Variants in DNAI3 observed in about 807,000 individuals in gnomAD.
DNAI3 encodes the protein dynein axonemal intermediate chain 3.
In DNAI3, 83 loss-of-function variants were observed where a neutral mutation model predicts 115.5. That is an observed-to-expected ratio of 0.72 (90% CI 0.60 to 0.86). The LOEUF is 0.86. Ranked by LOEUF, DNAI3 falls within the 40% of genes least tolerant of loss-of-function variation. The pLI is 0.00. For synonymous variants in DNAI3, 320 were observed against 347.0 expected (o/e 0.92, Z 0.86); for missense variants, 1,004 against 1,075.8 (o/e 0.93, Z 0.93).
chr1:85,068,774 C>A (rs1022301277), intron 1 of DNAI3, among the ~76,000 whole-genome samples: 2 of 152,194 alleles, frequency 1.3e-5, no homozygotes, highest in African/African-American at 4.8e-5. Flanking sequence ...ACATTCCCAC[C>A]TTCTGCCAAT....
chr1:85,093,092 T>C (rs1317237325), intron 8 of DNAI3, among the ~76,000 whole-genome samples: 1 of 152,158 alleles, frequency 6.6e-6, no homozygotes, highest in Non-Finnish European at 1.5e-5. Flanking sequence ...AGACAAATTC[T>C]CAGCCTACTC....
rs1260687237 is a variant in DNAI3, at chr1:85,115,263, G to A, written c.1787-2466G>A. 3.3e-5 allele frequency among the ~76,000 whole-genome samples: 5 copies of A among 152,166 alleles called. No individual in the cohort carries two copies. In the East Asian group the frequency reaches 7.7e-4, roughly 23 times the overall value. ...TGTGAAGATGAAATGAGTTATACAC[G>A]AAGCTCTCAGAATAGCACATAGTCA... is the stretch of plus-strand genomic sequence containing the variant. On this transcript the variant is annotated intron_variant, in intron 16 of 22. Coordinates refer to ENST00000294664, the MANE Select transcript of DNAI3 (RefSeq NM_145172.5).
intron 17 of DNAI3, among the ~76,000 whole-genome samples, chr1:85,118,903 C>A (rs2100608857): frequency 6.6e-6 from 1 of 151,914 alleles, no homozygotes; most frequent in African/African-American, 2.4e-5. Context: ...ACAGCCTGAA[C>A]AATATTTGGA....
In DNAI3 at chr1:85,094,553, C is replaced by T. The variant is rs760381604; in HGVS notation, c.1171C>T (p.Gln391Ter). 4 of 1,613,960 alleles carry T rather than the reference C, an allele frequency of 2.5e-6. No individual in the cohort carries two copies. Residue 391 changes from glutamine to a stop codon, truncating the protein, a stop_gained and splice_region_variant, in exon 10 of 23, where the codon CAG becomes TAG. Transcript: ENST00000294664. LOFTEE classifies it high-confidence loss of function. ...FWSFSDPIHPQLMLESPDDIF... is the reference protein window; with the variant it reads ...FWSFSDPIHP ...GAGCTTCTCTGATCCTATACATCCT[C>T]AGGTAATTAGGGAGAGTTGCCTACA... is the stretch of plus-strand genomic sequence containing the variant.
Position 85,095,949 on chromosome 1 carries a change from G to C in DNAI3, c.1192G>C (p.Asp398His), listed in dbSNP as rs776292330. Residue 398 changes from aspartate (D) to histidine (H), a missense_variant, in exon 11 of 23, where the codon GAT becomes CAT. Physicochemically the swap from Asp to His is moderately conservative, Grantham distance 81. Coordinates refer to ENST00000294664, the MANE Select transcript of DNAI3 (RefSeq NM_145172.5). The stretch of plus-strand genomic sequence containing the variant: ...ACTTTAGTTAATGCTGGAGAGCCCA[G>C]ATGACATCTTCTGCTTCAAGTTCTG... ...IHPQLMLESPDDIFCFKFCPS... is the reference protein window; with the variant it reads ...IHPQLMLESPHDIFCFKFCPS... 6.2e-7 allele frequency: 1 copy of C among 1,613,932 alleles called. No homozygotes were observed. The highest frequency in any genetic ancestry group is 1.7e-5 in the Admixed American group (1 of 60,000).
intron 4 of DNAI3, 66 bp from the exon 5 acceptor site, chr1:85,082,234 G>T: frequency 8.0e-7 from 1 of 1,252,282 alleles, no homozygotes; most frequent in South Asian, 1.3e-5. Flanking sequence ...TGAATTTTGT[G>T]TTGGCATCAA....
At chr1:85,064,580 ATGTTTGTT>A (rs369398116) in intron 1 of DNAI3, among the ~76,000 whole-genome samples, 43 of 152,080 alleles carry the variant, frequency 2.8e-4, no homozygotes, top group African/African-American at 4.6e-4. Context: ...TTCTAAATCA[ATGTTTGTT>A]TGTTTGTTTG....
intron 13 of DNAI3, among the ~76,000 whole-genome samples, chr1:85,100,418 A>G (rs1018655206): frequency 4.6e-5 from 7 of 152,246 alleles, no homozygotes; most frequent in Non-Finnish European, 1.0e-4. Flanking sequence ...CAAAACCACA[A>G]TGAGATACCA....
intron 1 of DNAI3, among the ~76,000 whole-genome samples, chr1:85,070,802 T>G (rs888534939): frequency 6.6e-6 from 1 of 152,202 alleles, no homozygotes; most frequent in African/African-American, 2.4e-5. Flanking sequence ...AAAACACAAG[T>G]AAAGTACTTG....
intron 18 of DNAI3, among the ~76,000 whole-genome samples, chr1:85,122,099 G>A (rs1656008882): frequency 6.6e-6 from 1 of 152,178 alleles, no homozygotes; most frequent in Admixed American, 6.5e-5. Context: ...AAAATTTGAG[G>A]AGCACTGACC....
intron 2 of DNAI3, 116 bp from the exon 3 acceptor site, chr1:85,072,938 G>C: frequency 2.0e-6 from 1 of 507,952 alleles, no homozygotes. Context: ...CTGGGCGACA[G>C]AGCAAGACTC....
intron 13 of DNAI3, among the ~76,000 whole-genome samples, chr1:85,099,940 T>A (rs1350155201): frequency 6.6e-6 from 1 of 152,140 alleles, no homozygotes; most frequent in Non-Finnish European, 1.5e-5. Flanking sequence ...TGAAACTGGA[T>A]CCCTTCCTTA....
intron 7 of DNAI3, among the ~76,000 whole-genome samples, chr1:85,087,361 G>C (rs928658241): frequency 6.8e-6 from 1 of 147,580 alleles, no homozygotes; most frequent in Admixed American, 6.9e-5. Context: ...GCTTGAACCC[G>C]CGAGGTAGAG....
At chr1:85,076,231 A>G (rs1273317992) in intron 3 of DNAI3, among the ~76,000 whole-genome samples, 2 of 152,214 alleles carry the variant, frequency 1.3e-5, no homozygotes, top group East Asian at 3.9e-4. Context: ...ACCATCTTAT[A>G]AGGCCCCTTG....
intron 4 of DNAI3, 86 bp downstream of exon 4, chr1:85,081,501 CAA>C: frequency 2.3e-6 from 3 of 1,308,988 alleles, no homozygotes; most frequent in Non-Finnish European, 3.1e-6. Context: ...GTTGTTGGTT[CAA>C]ATCTGGCCCC....
intron 15 of DNAI3, 47 bp from the exon 16 acceptor site, chr1:85,110,001 A>G: frequency 6.4e-7 from 1 of 1,568,326 alleles, no homozygotes; most frequent in Non-Finnish European, 8.8e-7. Context: ...CCCAAGGATA[A>G]TTTCAGGATA....
At chr1:85,116,576 CAT>C (rs1180836682) in intron 16 of DNAI3, among the ~76,000 whole-genome samples, 1 of 152,144 alleles carries the variant, frequency 6.6e-6, no homozygotes, top group African/African-American at 2.4e-5. Flanking sequence ...GAGGAACAGA[CAT>C]TGAAATGTGA....
chr1:85,073,121 A>C, intron 3 of DNAI3, 29 bp downstream of exon 3: 1 of 1,491,924 alleles, frequency 6.7e-7, no homozygotes, highest in Non-Finnish European at 9.1e-7. Flanking sequence ...TACAACTTAC[A>C]TCCTCAGTTT....
intron 3 of DNAI3, among the ~76,000 whole-genome samples, chr1:85,077,951 G>A (rs988526562): frequency 2.0e-5 from 3 of 152,080 alleles, no homozygotes; most frequent in African/African-American, 7.2e-5. Flanking sequence ...GATAATATAT[G>A]TGTAACCTAT....
Sources: allele counts gnomAD v4.1 joint callset (sites outside exome capture counted in the v4.1 genomes callset), GRCh38; gene constraint gnomAD v4.1.1; transcripts MANE v1.5; gene names NCBI Gene and HGNC (gene_info 2026-07-23, HGNC 2026-07-21).